MYO1F: variants seen among roughly 807,000 people sequenced by gnomAD.
MYO1F encodes unconventional myosin-If.
MYO1F carries 60 observed loss-of-function variants against 146.6 expected under a neutral mutation model. The ratio of observed to expected loss-of-function variants is 0.41; its 90% CI spans 0.33 to 0.51. MYO1F has a LOEUF of 0.51. Ranked by LOEUF, MYO1F falls within the 20% of genes least tolerant of loss-of-function variation. MYO1F has a pLI of 0.25. For missense variants in MYO1F, 1,274 were observed against 1,534.3 expected (o/e 0.83, Z 2.83); for synonymous variants, 602 against 602.1 (o/e 1.00, Z 0.00).
chr19:8,550,133 C>T, intron 10 of MYO1F, 27 bp downstream of exon 10: 1 of 1,611,776 alleles, frequency 6.2e-7, no homozygotes, highest in Non-Finnish European at 8.5e-7. Flanking sequence ...AGCATCCACT[C>T]TGCCTTCCAG....
At chr19:8,523,154 C>G (rs1452754268) in intron 25 of MYO1F, among the ~76,000 whole-genome samples, 3 of 151,734 alleles carry the variant, frequency 2.0e-5, no homozygotes, top group African/African-American at 4.8e-5. Context: ...GCCTCAGCCT[C>G]CCGAGTAGCT....
rs961550191 is a variant in MYO1F, at chr19:8,521,459, G to T, written c.*69C>A. 6.5e-7 allele frequency: 1 copy of T among 1,535,030 alleles called. No individual in the cohort carries two copies. Among genetic ancestry groups the T allele is most frequent in the Non-Finnish European group, 9.0e-7 (1 of 1,113,014 alleles). ...GGTAAACGAGGCTCTCATTGGCAGG[G>T]CCTGGCTCCCCACCAGGCCGGCAGG... On this transcript the variant is annotated 3_prime_UTR_variant, in exon 28 of 28. Transcript: ENST00000644032.
chr19:8,553,261 C>A, intron 5 of MYO1F, 33 bp from the exon 6 acceptor site: 2 of 1,612,554 alleles, frequency 1.2e-6, no homozygotes, highest in Non-Finnish European at 1.7e-6. Context: ...GGGAAGAAGT[C>A]AGACTGAGGC....
chr19:8,552,694 T>C (rs1369466729), intron 6 of MYO1F, among the ~76,000 whole-genome samples: 2 of 151,146 alleles, frequency 1.3e-5, no homozygotes, highest in African/African-American at 2.5e-5. Context: ...TTGCATAGAT[T>C]TTTTTCCCCC....
At position 8,522,691 on chromosome 19, in the gene MYO1F, C is replaced by G. The variant is rs199971487; in HGVS notation, c.2993G>C (p.Arg998Pro). 2 of 1,613,934 alleles carry G rather than the reference C, an allele frequency of 1.2e-6. No individual in the cohort carries two copies. The highest frequency in any genetic ancestry group is 1.7e-6 in the Non-Finnish European group (2 of 1,179,986). Residue 998 changes from arginine (R) to proline (P), a missense_variant, in exon 26 of 28, where the codon CGT (arginine) becomes CCT (proline). Physicochemically the swap from Arg to Pro is moderately radical, Grantham distance 103. Coordinates refer to ENST00000644032, the MANE Select transcript of MYO1F (RefSeq NM_012335.4). ...TTCTGTGTTGTGCTCTGAGGGCGGA[C>G]GTGCCCGGGGTCGTCTGCTGGCTCC... ...SLGASRRPRA[R>P]PPSEHNTEFL...
At chr19:8,523,857 A>G (rs1385168061) in intron 25 of MYO1F, among the ~76,000 whole-genome samples, 1 of 152,092 alleles carries the variant, frequency 6.6e-6, no homozygotes, top group East Asian at 1.9e-4. Flanking sequence ...GCGGTGGCTC[A>G]CGCCTGTAAT....
rs1176648618 is a variant in MYO1F, at chr19:8,544,000, T to TGGTGGCGGTGGCGGTGGC, written c.1524+279_1524+296dup. ...GTGCTGGTGCTGGTGGTGGTGCTGG[T>TGGTGGCGGTGGCGGTGGC]GGTGGCGGTGGCGGTGGCGGTGGCG... On this transcript the variant is annotated intron_variant, in intron 14 of 27. Coordinates refer to ENST00000644032, the MANE Select transcript of MYO1F (RefSeq NM_012335.4). 12 of 154,836 alleles carry TGGTGGCGGTGGCGGTGGC rather than the reference T, an allele frequency of 7.8e-5. No individual in the cohort carries two copies. In the East Asian group the frequency reaches 2.6e-3, roughly 34 times the overall value. The allele number at this position is 154,836 out of a possible 1,614,324, so 9.6% of individuals were successfully genotyped here. A position where few individuals can be genotyped will look rare whatever the true frequency, so the allele number is the denominator to read the frequency against.
At chr19:8,548,000 C>CCCCG in intron 12 of MYO1F, 36 bp downstream of exon 12, 13 of 1,305,026 alleles carry the variant, frequency 1.0e-5, no homozygotes, top group Non-Finnish European at 1.2e-5. Context: ...CACCCCCACC[C>CCCCG]CAGGATCCCC....
chr19:8,543,105 T>G (rs1973051283), intron 14 of MYO1F, among the ~76,000 whole-genome samples: 1 of 151,886 alleles, frequency 6.6e-6, no homozygotes, highest in Non-Finnish European at 1.5e-5. Flanking sequence ...GGTTTCACCA[T>G]GTTGGCCAGG....
At chr19:8,547,996 C>CCA in intron 12 of MYO1F, 40 bp downstream of exon 12, 1 of 1,100,026 alleles carries the variant, frequency 9.1e-7, no homozygotes, top group Non-Finnish European at 1.4e-6. Flanking sequence ...ACCCCACCCC[C>CCA]ACCCCAGGAT....
intron 19 of MYO1F, among the ~76,000 whole-genome samples, chr19:8,533,335 T>A (rs1236633266): frequency 7.2e-6 from 1 of 139,624 alleles, no homozygotes; most frequent in Admixed American, 7.0e-5. Context: ...AGCCTCAGAT[T>A]CTTCTTCTTC....
At chr19:8,538,920 G>T (rs1972842244) in intron 16 of MYO1F, among the ~76,000 whole-genome samples, 1 of 152,136 alleles carries the variant, frequency 6.6e-6, no homozygotes, top group African/African-American at 2.4e-5. Context: ...AAGTTCTGGA[G>T]ATGGGTAGTG....
chr19:8,577,343 C>A lies in MYO1F; in HGVS notation c.-34G>T. The A allele has an allele frequency of 6.2e-7, 1 of 1,613,862 alleles. No individual in the cohort carries two copies. Among genetic ancestry groups the A allele is most frequent in the Non-Finnish European group, 8.5e-7 (1 of 1,179,902 alleles). On this transcript the variant is annotated 5_prime_UTR_variant, in exon 1 of 28. Transcript: ENST00000644032. This position sits in a 1 kb window ranked among gnomAD's most constrained non-coding sequence, Gnocchi z 4.3. ...GCTGGTGTCTGGGCTCCTGGAGGCT[C>A]CTGAATGGGTCGTGATGGAGGTGCA...
intron 27 of MYO1F, 98 bp downstream of exon 27, chr19:8,522,279 C>T: frequency 6.6e-7 from 1 of 1,524,122 alleles, no homozygotes; most frequent in South Asian, 1.1e-5. Context: ...GCCTTGGCCT[C>T]CCAAAATGCT....
At chr19:8,527,231 G>T in intron 22 of MYO1F, 107 bp downstream of exon 22, 2 of 1,472,154 alleles carry the variant, frequency 1.4e-6, no homozygotes, top group East Asian at 2.4e-5. Context: ...AGGGCTACAG[G>T]CATGGCACCA....
At chr19:8,554,386 T>C (rs183426327) in intron 4 of MYO1F, 91 bp downstream of exon 4, 82 of 1,027,734 alleles carry the variant, frequency 8.0e-5, no homozygotes, top group Admixed American at 2.9e-4. Flanking sequence ...AATGTTCAGA[T>C]TGGGAGTTTC....
In MYO1F at chr19:8,551,868, C is replaced by T. The variant is rs1195043089; in HGVS notation, c.643G>A (p.Glu215Lys). Residue 215 changes from glutamate to lysine, a missense_variant, in exon 8 of 28, where the codon GAA becomes AAA. Glu to Lys is a moderately conservative substitution (Grantham distance 56, BLOSUM62 1). Around this residue, in one of 2 missense-constraint regions of MYO1F, gnomAD observed 900 missense variants for 1,155.1 expected, o/e 0.78. Coordinates refer to ENST00000644032, the MANE Select transcript of MYO1F (RefSeq NM_012335.4). Reference sequence around the variant, plus strand: ...TGCCTTTGCTCCTGGGAGGCCCCTTCCAGCAGCTGGAGGGTGTGCCATGTT... The same window carrying T: ...TGCCTTTGCTCCTGGGAGGCCCCTTTCAGCAGCTGGAGGGTGTGCCATGTT... ...RNFHIYYQLL[E>K]GASQEQRQNL... 6.2e-7 allele frequency: 1 copy of T among 1,614,114 alleles called. No individual in the cohort carries two copies.
At chr19:8,549,951 C>T in intron 10 of MYO1F, 5 of 645,160 alleles carry the variant, frequency 7.8e-6, no homozygotes, top group Non-Finnish European at 2.8e-6. Flanking sequence ...CACATGCACA[C>T]CACTACACCC....
intron 1 of MYO1F, among the ~76,000 whole-genome samples, chr19:8,567,323 C>T (rs2042023550): frequency 6.6e-6 from 1 of 151,916 alleles, no homozygotes; most frequent in Non-Finnish European, 1.5e-5. Context: ...CCTCGGCCTC[C>T]CAAAGTGCTG....
Sources: allele counts gnomAD v4.1 joint callset (sites outside exome capture counted in the v4.1 genomes callset), GRCh38; gene constraint gnomAD v4.1.1; regional missense constraint gnomAD v4.1.1; non-coding constraint Gnocchi (gnomAD v3.1); transcripts MANE v1.5; gene names NCBI Gene and HGNC (gene_info 2026-07-23, HGNC 2026-07-21).